Variants in FAM120A observed in about 807,000 individuals in gnomAD.
The protein encoded by FAM120A is family with sequence similarity 120 member A, also known as constitutive coactivator of PPAR-gamma-like protein 1.
Under a neutral mutation model 109.7 loss-of-function variants are expected in FAM120A, and 15 were observed. The ratio of observed to expected loss-of-function variants is 0.14; its 90% CI spans 0.09 to 0.21. FAM120A has a LOEUF of 0.21. FAM120A is among the 10% of genes least tolerant of loss of function. The pLI is 1.00. For missense variants in FAM120A, 899 were observed against 1,439.3 expected, an observed-to-expected ratio of 0.62 and a Z score of 6.07; for synonymous variants, 493 against 572.8, an observed-to-expected ratio of 0.86 and a Z score of 1.99.
intron 5 of FAM120A, among the ~76,000 whole-genome samples, chr9:93,511,906 C>A (rs1860339179): frequency 6.6e-6 from 1 of 152,204 alleles, no homozygotes; most frequent in African/African-American, 2.4e-5. Flanking sequence ...GATTTTCAGC[C>A]TCTGCCTCCC....
intron 1 of FAM120A, among the ~76,000 whole-genome samples, chr9:93,464,730 G>A (rs1857938566): frequency 6.6e-6 from 1 of 152,226 alleles, no homozygotes; most frequent in African/African-American, 2.4e-5. Context: ...GTGGCTACTA[G>A]CCTGGGACTT....
intron 7 of FAM120A, among the ~76,000 whole-genome samples, chr9:93,519,299 T>C (rs989394048): frequency 1.2e-4 from 19 of 152,154 alleles, no homozygotes; most frequent in African/African-American, 4.3e-4. Context: ...TGGAGTGCAA[T>C]TGCATGATCT....
chr9:93,552,541 C>G (rs1862136087), intron 12 of FAM120A, among the ~76,000 whole-genome samples: 1 of 151,750 alleles, frequency 6.6e-6, no homozygotes, highest in African/African-American at 2.4e-5. Context: ...GGAAAAATAG[C>G]ATTTGTTGGG....
chr9:93,463,025 C>T (rs904873849), intron 1 of FAM120A, among the ~76,000 whole-genome samples: 1 of 152,060 alleles, frequency 6.6e-6, no homozygotes, highest in African/African-American at 2.4e-5. Flanking sequence ...CCCATTTTTT[C>T]AACCTGGAAG....
intron 5 of FAM120A, among the ~76,000 whole-genome samples, chr9:93,510,542 A>G (rs541111414): frequency 2.0e-5 from 3 of 152,368 alleles, no homozygotes; most frequent in Admixed American, 2.0e-4. Flanking sequence ...TCCAAAACCC[A>G]CAAATGGACA....
intron 12 of FAM120A, among the ~76,000 whole-genome samples, chr9:93,553,569 T>G (rs1174226413): frequency 6.6e-6 from 1 of 152,252 alleles, no homozygotes; most frequent in Non-Finnish European, 1.5e-5. Context: ...TTTGTATTTC[T>G]TATAAAGTCA....
chr9:93,530,682 G>T lies in FAM120A; in HGVS notation c.1734+1102G>T, dbSNP rs139233844. On this transcript the variant is annotated intron_variant, in intron 9 of 17. Coordinates refer to ENST00000277165, the MANE Select transcript of FAM120A (RefSeq NM_014612.5). Reference sequence around the variant, plus strand: ...TTTATAGTATCACTTTTCAGATTATGGTTGTAAGGTGAACATTTTATTTTT... The same window carrying T: ...TTTATAGTATCACTTTTCAGATTATTGTTGTAAGGTGAACATTTTATTTTT... 8.5e-4 allele frequency: 129 copies of T among 152,268 alleles called. 2 individuals are homozygous for T. Among genetic ancestry groups the T allele is most frequent in the African/African-American group, 2.8e-3 (115 of 41,550 alleles). 9.4% of individuals were successfully genotyped at this position (152,268 alleles called of 1,614,324 possible).
chr9:93,486,201 C>G (rs1019613023), intron 3 of FAM120A, among the ~76,000 whole-genome samples: 4 of 151,808 alleles, frequency 2.6e-5, no homozygotes, highest in African/African-American at 9.7e-5. Flanking sequence ...TCTCGAACTC[C>G]TGGCCTCAAG....
chr9:93,537,616 G>T (rs755584658), intron 10 of FAM120A, among the ~76,000 whole-genome samples: 4 of 151,988 alleles, frequency 2.6e-5, no homozygotes, highest in Non-Finnish European at 5.9e-5. Context: ...TTTTATGAAA[G>T]ATTTTCCTAT....
chr9:93,503,997 A>G (rs899258523), intron 5 of FAM120A, among the ~76,000 whole-genome samples: 1 of 152,192 alleles, frequency 6.6e-6, no homozygotes, highest in Non-Finnish European at 1.5e-5. Flanking sequence ...GGAATCCTGC[A>G]GGAAAGAGAA....
intron 3 of FAM120A, among the ~76,000 whole-genome samples, chr9:93,483,698 G>A (rs1858918699): frequency 6.6e-6 from 1 of 152,160 alleles, no homozygotes; most frequent in African/African-American, 2.4e-5. Context: ...TGTCTTGCTA[G>A]TGGTGCTCAT....
At chr9:93,552,556 A>G (rs543672958) in intron 12 of FAM120A, among the ~76,000 whole-genome samples, 3 of 151,446 alleles carry the variant, frequency 2.0e-5, no homozygotes, top group Non-Finnish European at 4.4e-5. Context: ...GTTGGGGGGG[A>G]AAGGCAGTTA....
chr9:93,529,293 T>A, intron 8 of FAM120A, 60 bp from the exon 9 acceptor site: 1 of 1,453,300 alleles, frequency 6.9e-7, no homozygotes, highest in African/African-American at 1.4e-5. Flanking sequence ...CTACCATACT[T>A]TAAATGAATG....
chr9:93,497,623 A>T, intron 4 of FAM120A, 24 bp downstream of exon 4: 5 of 1,589,498 alleles, frequency 3.1e-6, no homozygotes, highest in Non-Finnish European at 4.3e-6. Flanking sequence ...CAAACAAAAC[A>T]AAAAAACAGA....
chr9:93,561,048 T>G, intron 15 of FAM120A, 61 bp from the exon 16 acceptor site: 1 of 1,565,832 alleles, frequency 6.4e-7, no homozygotes, highest in Non-Finnish European at 8.8e-7. Flanking sequence ...GCTTGTATCT[T>G]TTTGCTATTC....
intron 3 of FAM120A, among the ~76,000 whole-genome samples, chr9:93,485,807 C>T (rs544166538): frequency 1.3e-5 from 2 of 152,264 alleles, no homozygotes; most frequent in Non-Finnish European, 2.9e-5. Context: ...TTTCCCTCTA[C>T]AACCCCTTGG....
chr9:93,554,844 G>A (rs560243485), intron 12 of FAM120A, among the ~76,000 whole-genome samples: 5 of 152,332 alleles, frequency 3.3e-5, no homozygotes, highest in South Asian at 4.1e-4. Flanking sequence ...AGGGCAGAGA[G>A]AGGGGCACGG....
chr9:93,564,500 A>G lies in FAM120A; in HGVS notation c.3317A>G (p.Glu1106Gly), dbSNP rs1862576536. ...AGTACAGACAGCGCTTGCCGCAGAG[A>G]AGCTGCTCTGGAGGCAGCTGTCTTA... ...ALSTDSACRR[E>G]AALEAAVLNK... Residue 1106 changes from glutamate to glycine, a missense_variant, in exon 18 of 18, where the codon GAA becomes GGA. Glu to Gly is a moderately conservative substitution (Grantham distance 98, BLOSUM62 -2). Transcript: ENST00000277165. 2 of 1,613,422 alleles carry G rather than the reference A, an allele frequency of 1.2e-6. No individual in the cohort carries two copies. The highest frequency in any genetic ancestry group is 2.2e-5 in the East Asian group (1 of 44,862).
chr9:93,554,487 A>G (rs1262810251), intron 12 of FAM120A, among the ~76,000 whole-genome samples: 1 of 152,126 alleles, frequency 6.6e-6, no homozygotes, highest in African/African-American at 2.4e-5. Context: ...AGCCTGGCCA[A>G]CATGGTGAAA....
Sources: gnomAD v4.1 joint callset for allele counts (sites outside exome capture counted in the v4.1 genomes callset) on GRCh38, gnomAD v4.1.1 for gene constraint, MANE v1.5 for transcripts, NCBI Gene and HGNC (gene_info 2026-07-23, HGNC 2026-07-21) for gene names.